TRPC4AP: variants seen among roughly 807,000 people sequenced by gnomAD.
TRPC4AP encodes transient receptor potential cation channel subfamily C member 4 associated protein.
TRPC4AP carries 45 observed loss-of-function variants against 99.0 expected under a neutral mutation model. The observed-to-expected ratio is 0.45, with a 90% CI of 0.36 to 0.58. The LOEUF (loss-of-function observed/expected upper bound fraction) is 0.58, where lower values mean the gene tolerates loss of function less well. Among genes scored for constraint, TRPC4AP ranks in the 20% least tolerant of loss-of-function variants. The pLI is 0.00. For synonymous variants in TRPC4AP, 408 were observed against 385.8 expected, an observed-to-expected ratio of 1.06 and a Z score of -0.67; for missense variants, 879 against 985.3, an observed-to-expected ratio of 0.89 and a Z score of 1.44.
intron 8 of TRPC4AP, among the ~76,000 whole-genome samples, chr20:35,032,902 T>G (rs552076150): frequency 6.6e-6 from 1 of 152,168 alleles, no homozygotes; most frequent in East Asian, 1.9e-4. Context: ...TCAATTTTTG[T>G]TAAAAACTGG....
intron 8 of TRPC4AP, among the ~76,000 whole-genome samples, chr20:35,024,674 T>TA (rs1174571651): frequency 6.6e-6 from 1 of 151,124 alleles, no homozygotes; most frequent in Non-Finnish European, 1.5e-5. Context: ...TTACAAAAAA[T>TA]AAAAAAATTA....
intron 1 of TRPC4AP, among the ~76,000 whole-genome samples, chr20:35,090,412 T>C (rs919366741): frequency 7.4e-6 from 1 of 135,598 alleles, no homozygotes; most frequent in Non-Finnish European, 1.5e-5. Context: ...AGTCTCACTA[T>C]GTCACCCAGG....
At chr20:35,017,851 C>T (rs1298257463) in intron 9 of TRPC4AP, among the ~76,000 whole-genome samples, 1 of 152,222 alleles carries the variant, frequency 6.6e-6, no homozygotes, top group Non-Finnish European at 1.5e-5. Context: ...CTAGAAATCA[C>T]AGCCTCTGGC....
At chr20:35,044,398 A>G (rs1486364534) in intron 7 of TRPC4AP, 107 bp downstream of exon 7, 2 of 1,005,718 alleles carry the variant, frequency 2.0e-6, no homozygotes, top group Non-Finnish European at 2.7e-6. Context: ...ATCTCAAAAA[A>G]GGAAAAAAAA....
chr20:35,092,083 T>C (rs1052246614), intron 1 of TRPC4AP, among the ~76,000 whole-genome samples: 4 of 152,074 alleles, frequency 2.6e-5, no homozygotes, highest in Non-Finnish European at 5.9e-5. Context: ...TACGAAATTA[T>C]AGACTAAGAA....
intron 1 of TRPC4AP, among the ~76,000 whole-genome samples, chr20:35,089,984 G>A (rs879297317): frequency 6.6e-6 from 1 of 151,912 alleles, no homozygotes; most frequent in Non-Finnish European, 1.5e-5. Context: ...ATGGGGTGTG[G>A]TGGCACACGC....
Position 35,049,859 on chromosome 20 carries a change from A to G in TRPC4AP, c.657+7T>C. 7.4e-6 allele frequency: 12 copies of G among 1,612,318 alleles called. No individual in the cohort carries two copies. The highest frequency in any genetic ancestry group is 1.0e-5 in the Non-Finnish European group (12 of 1,178,980). On this transcript the variant is annotated splice_region_variant and intron_variant, in intron 6 of 18. Transcript: ENST00000252015. Reference sequence around the variant, plus strand: ...CCCCATCTGGTCAGCTAGAGGACACAGCTCACCTTTTTAACACCCAAAATA... The same window carrying G: ...CCCCATCTGGTCAGCTAGAGGACACGGCTCACCTTTTTAACACCCAAAATA...
rs1377648361 is a variant in TRPC4AP at position 35,008,710 on chromosome 20, G to A, written c.1549C>T (p.Arg517Cys). Reference protein sequence around the residue: ...VCDGKRGLLTRLLQVMKKEPA... With the variant: ...VCDGKRGLLTCLLQVMKKEPA... ...TCCTTCTTCATGACCTGCAGCAGAC[G>A]AGTTAATAAGCCCCTCTTCCCATCA... is the stretch of plus-strand genomic sequence containing the variant. The change falls in exon 13 of 19, where the codon CGT becomes TGT. Residue 517 changes from arginine to cysteine, a missense_variant. Coordinates refer to ENST00000252015, the MANE Select transcript of TRPC4AP (RefSeq NM_015638.3). 4.3e-6 allele frequency: 7 copies of A among 1,614,022 alleles called. No homozygotes were observed. Among genetic ancestry groups the A allele is most frequent in the East Asian group, 2.2e-5 (1 of 44,886 alleles).
chr20:35,011,344 G>C (rs1600506946), intron 11 of TRPC4AP, among the ~76,000 whole-genome samples: 4 of 152,302 alleles, frequency 2.6e-5, no homozygotes, highest in South Asian at 2.1e-4. Context: ...AATGTGCTCA[G>C]AACACTGACT....
intron 18 of TRPC4AP, 21 bp from the exon 19 acceptor site, chr20:35,003,304 T>C: frequency 6.2e-7 from 1 of 1,613,690 alleles, no homozygotes; most frequent in Non-Finnish European, 8.5e-7. Flanking sequence ...AGGGAGGGGC[T>C]GGGGGGCGCC....
chr20:35,063,784 C>A (rs1225803883), intron 3 of TRPC4AP, among the ~76,000 whole-genome samples: 1 of 152,050 alleles, frequency 6.6e-6, no homozygotes, highest in African/African-American at 2.4e-5. Flanking sequence ...TCACTAGAGC[C>A]CAGGGGTTCA....
chr20:35,018,618 AAAAAAAAAG>A (rs1455637796), intron 9 of TRPC4AP, among the ~76,000 whole-genome samples: 2 of 151,198 alleles, frequency 1.3e-5, no homozygotes, highest in African/African-American at 4.9e-5. Flanking sequence ...AAAAAAAAAA[AAAAAAAAAG>A]AAAGAAAGAA....
chr20:35,078,751 T>C (rs974339142), intron 1 of TRPC4AP, among the ~76,000 whole-genome samples: 13 of 152,138 alleles, frequency 8.5e-5, no homozygotes, highest in Admixed American at 5.9e-4. Context: ...CTCATTTAAA[T>C]ATACATATAG....
At chr20:35,050,648 G>A (rs2083673750) in intron 5 of TRPC4AP, among the ~76,000 whole-genome samples, 1 of 151,950 alleles carries the variant, frequency 6.6e-6, no homozygotes, top group African/African-American at 2.4e-5. Flanking sequence ...AGAAGGTGGA[G>A]GCTGCAGTGA....
intron 1 of TRPC4AP, among the ~76,000 whole-genome samples, chr20:35,089,704 C>G (rs1183421913): frequency 6.6e-6 from 1 of 152,074 alleles, no homozygotes; most frequent in Non-Finnish European, 1.5e-5. Flanking sequence ...CAAAAAGTAG[C>G]CAGGTGTGGT....
At chr20:35,024,854 A>AC (rs1555904987) in intron 8 of TRPC4AP, among the ~76,000 whole-genome samples, 2 of 89,478 alleles carry the variant, frequency 2.2e-5, no homozygotes, top group African/African-American at 7.8e-5. Flanking sequence ...AAAAAAAAAA[A>AC]ATTCTGTTTA....
At chr20:35,016,965 T>C (rs2082769778) in intron 9 of TRPC4AP, among the ~76,000 whole-genome samples, 1 of 152,240 alleles carries the variant, frequency 6.6e-6, no homozygotes, top group African/African-American at 2.4e-5. Context: ...CACACTGGTA[T>C]GACCTGCACA....
At chr20:35,087,868 G>A (rs1048837265) in intron 1 of TRPC4AP, among the ~76,000 whole-genome samples, 10 of 152,188 alleles carry the variant, frequency 6.6e-5, no homozygotes, top group Admixed American at 5.2e-4. Context: ...AAATTATGTG[G>A]CCAGTAGTCA....
At position 35,035,701 on chromosome 20, in the gene TRPC4AP, A is replaced by T. The variant is rs538133878; in HGVS notation, c.866-393T>A. 2.6e-5 allele frequency among the ~76,000 whole-genome samples: 4 copies of T among 152,336 alleles called. No homozygotes were observed. The East Asian group carries it at 7.7e-4, about 29-fold the overall frequency. On this transcript the variant is annotated intron_variant, in intron 7 of 18. Transcript: ENST00000252015. The stretch of plus-strand genomic sequence containing the variant: ...AACAGCAAAAAGGTGAAGGTAACTA[A>T]ATGTTCATCAACAGCTGATTAATTA...
Sources: gnomAD v4.1 joint callset for allele counts (sites outside exome capture counted in the v4.1 genomes callset) on GRCh38, gnomAD v4.1.1 for gene constraint, MANE v1.5 for transcripts, NCBI Gene and HGNC (gene_info 2026-07-23, HGNC 2026-07-21) for gene names.